The following PIK3R3 variants were observed in gnomAD, a reference collection of about 807,000 sequenced individuals.
PIK3R3 encodes phosphatidylinositol 3-kinase regulatory subunit gamma.
PIK3R3 carries 64 observed loss-of-function variants against 62.9 expected under a neutral mutation model. The observed-to-expected ratio is 1.02, with a 90% CI of 0.83 to 1.25. The LOEUF is 1.25. PIK3R3 is among the 50% of genes most tolerant of loss of function. PIK3R3 has a pLI of 0.00. For missense variants in PIK3R3, 614 were observed against 561.6 expected (o/e 1.09, Z -0.94); for synonymous variants, 165 against 189.0 (o/e 0.87, Z 1.04).
chr1:46,077,655 C>T (rs754284638), intron 2 of PIK3R3, 42 bp from the exon 3 acceptor site: 1 of 1,275,638 alleles, frequency 7.8e-7, no homozygotes, highest in African/African-American at 1.5e-5. Context: ...AATGTCAACA[C>T]TGGTGGCTTC....
At chr1:46,116,939 A>C (rs992881489) in intron 1 of PIK3R3, among the ~76,000 whole-genome samples, 3 of 152,194 alleles carry the variant, frequency 2.0e-5, no homozygotes, top group African/African-American at 7.2e-5. Flanking sequence ...ATATCTATCT[A>C]TACTCAAGCA....
Position 46,066,190 on chromosome 1 carries a change from A to G in PIK3R3, c.496-11T>C. ...TTTTACCAACTGATCCTATACAGGT[A>G]AAGAAAAAAATAAAGAATGTTAACA... On this transcript the variant is annotated splice_polypyrimidine_tract_variant and intron_variant, in intron 4 of 9. Transcript: ENST00000262741. 2 of 1,523,082 alleles carry G rather than the reference A, an allele frequency of 1.3e-6. No homozygotes were observed. The highest frequency in any genetic ancestry group is 2.8e-5 in the African/African-American group (2 of 72,390). 94.3% of individuals were successfully genotyped at this position (1,523,082 alleles called of 1,614,324 possible).
intron 1 of PIK3R3, among the ~76,000 whole-genome samples, chr1:46,086,949 C>T (rs1651112088): frequency 6.6e-6 from 1 of 152,152 alleles, no homozygotes; most frequent in Non-Finnish European, 1.5e-5. Flanking sequence ...ATCAGAAAGG[C>T]TCTGGACTCT....
chr1:46,108,491 C>T (rs1653417303), intron 1 of PIK3R3, among the ~76,000 whole-genome samples: 1 of 152,218 alleles, frequency 6.6e-6, no homozygotes, highest in African/African-American at 2.4e-5. Context: ...ACTGAGATTA[C>T]TATCCTGTTG....
the PIK3R3 span, among the ~76,000 whole-genome samples, chr1:46,172,018 C>T: frequency 2.6e-5 from 4 of 152,252 alleles, no homozygotes; most frequent in East Asian, 7.7e-4. Context: ...CTGCCAAACC[C>T]GATTTTCCAG....
intron 1 of PIK3R3, among the ~76,000 whole-genome samples, chr1:46,105,961 C>CA (rs1653169162): frequency 1.3e-5 from 2 of 152,160 alleles, no homozygotes; most frequent in Non-Finnish European, 2.9e-5. Context: ...TTGAAACCTT[C>CA]AAAAAAATTA....
chr1:46,104,896 C>A, intron 1 of PIK3R3: 1 of 503,566 alleles, frequency 2.0e-6, no homozygotes, highest in Non-Finnish European at 3.5e-6. Flanking sequence ...CCACTGCACT[C>A]CAGCCTGGGT....
chr1:46,116,517 T>G (rs1450616209), intron 1 of PIK3R3, among the ~76,000 whole-genome samples: 1 of 151,662 alleles, frequency 6.6e-6, no homozygotes, highest in Non-Finnish European at 1.5e-5. Flanking sequence ...AAGCCTTATC[T>G]CTTTTTCAAA....
intron 1 of PIK3R3, among the ~76,000 whole-genome samples, chr1:46,109,282 C>G (rs1374403311): frequency 6.6e-6 from 1 of 152,160 alleles, no homozygotes; most frequent in Admixed American, 6.5e-5. Flanking sequence ...TTCTCACCTC[C>G]CAGTTACTCT....
chr1:46,093,138 G>A (rs953367589), intron 1 of PIK3R3, among the ~76,000 whole-genome samples: 1 of 151,992 alleles, frequency 6.6e-6, no homozygotes, highest in Non-Finnish European at 1.5e-5. Flanking sequence ...AACCAAAAAC[G>A]GCAAACATAA....
At chr1:46,162,174 A>C in the PIK3R3 span, among the ~76,000 whole-genome samples, 1 of 151,674 alleles carries the variant, frequency 6.6e-6, no homozygotes, top group East Asian at 1.9e-4. Context: ...TAAGGGTAAG[A>C]GTTTGGTAAA....
chr1:46,132,034 A>T lies in PIK3R3; in HGVS notation c.-82T>A. 1 of 1,547,740 alleles carries T rather than the reference A, an allele frequency of 6.5e-7. No individual in the cohort carries two copies. The highest frequency in any genetic ancestry group is 1.2e-5 in the South Asian group (1 of 83,884). On this transcript the variant is annotated 5_prime_UTR_variant, in exon 1 of 10. Transcript: ENST00000262741. ...GGTATTTAAAAATCTAAAAATATAT[A>T]TCTGCAAAAGTTCCACACGGAAATG... is the stretch of plus-strand genomic sequence containing the variant.
At chr1:46,054,361 A>G (rs1487628732) in intron 7 of PIK3R3, among the ~76,000 whole-genome samples, 1 of 128,902 alleles carries the variant, frequency 7.8e-6, no homozygotes, top group Non-Finnish European at 1.5e-5. Flanking sequence ...GTGCCATTGC[A>G]CTCCAGCCTG....
chr1:46,123,988 A>G (rs1262912282), intron 1 of PIK3R3, among the ~76,000 whole-genome samples: 4 of 152,196 alleles, frequency 2.6e-5, no homozygotes, highest in Non-Finnish European at 2.9e-5. Flanking sequence ...ACTAGAAAAG[A>G]CCCTAGAGAA....
intron 1 of PIK3R3, among the ~76,000 whole-genome samples, chr1:46,102,139 C>T (rs1205895367): frequency 1.3e-5 from 2 of 151,768 alleles, no homozygotes; most frequent in Non-Finnish European, 2.9e-5. Context: ...GCGCCCACCA[C>T]CTCGCCCGGC....
rs1647004702 is a variant in PIK3R3 at position 46,041,934 on chromosome 1, C to T, written c.*1739G>A. 1 of 217,426 alleles carries T rather than the reference C, an allele frequency of 4.6e-6. No individual in the cohort carries two copies. Among genetic ancestry groups the T allele is most frequent in the African/African-American group, 2.2e-5 (1 of 44,450 alleles). The allele number at this position is 217,426 out of a possible 1,614,324, so 13.5% of individuals were successfully genotyped here. A position where few individuals can be genotyped will look rare whatever the true frequency, so the allele number is the denominator to read the frequency against. ...TCATGGTCCATATTTTAGACCCTGTCATGGAAATAAGTGCTCAGGTAAACT... is the reference window on the plus strand; with the variant it reads ...TCATGGTCCATATTTTAGACCCTGTTATGGAAATAAGTGCTCAGGTAAACT... On this transcript the variant is annotated 3_prime_UTR_variant, in exon 10 of 10. Transcript: ENST00000262741.
At position 46,131,981 on chromosome 1, in the gene PIK3R3, A is replaced by T. The variant is rs746290524; in HGVS notation, c.-29T>A. 1 of 1,608,522 alleles carries T rather than the reference A, an allele frequency of 6.2e-7. No homozygotes were observed. The highest frequency in any genetic ancestry group is 2.2e-5 in the East Asian group (1 of 44,844). ...GCTGTCAGGGGCAGGTCGCCAGGAG[A>T]TATATAGAAGGCATATATTTTTTAT... On this transcript the variant is annotated 5_prime_UTR_variant, in exon 1 of 10. It introduces an in-frame stop codon into an upstream open reading frame of the 5' UTR. Coordinates refer to ENST00000262741, the MANE Select transcript of PIK3R3 (RefSeq NM_003629.4).
chr1:46,134,881 C>A (rs887273116), upstream of PIK3R3, among the ~76,000 whole-genome samples: 7 of 152,174 alleles, frequency 4.6e-5, no homozygotes, highest in Non-Finnish European at 8.8e-5. Flanking sequence ...GACGTCCAAG[C>A]ACAGTATATA....
In PIK3R3 at chr1:46,040,883, C is replaced by T. The variant is rs1025652527; in HGVS notation, c.*2790G>A. On this transcript the variant is annotated 3_prime_UTR_variant, in exon 10 of 10. Transcript: ENST00000262741. ...AGGACGCAGGCAGTCTATCCAGGCC[C>T]GAATCATGGCGTGCCATCTAAGGCC... The T allele has an allele frequency of 9.0e-5, 16 of 178,568 alleles. No individual in the cohort carries two copies. The highest frequency in any genetic ancestry group is 5.0e-4 in the Admixed American group (8 of 15,844). 11.1% of individuals were successfully genotyped at this position (178,568 alleles called of 1,614,324 possible). A position where few individuals can be genotyped will look rare whatever the true frequency, so the allele number is the denominator to read the frequency against.
Sources: allele counts gnomAD v4.1 joint callset (sites outside exome capture counted in the v4.1 genomes callset), GRCh38; gene constraint gnomAD v4.1.1; transcripts MANE v1.5; gene names NCBI Gene and HGNC (gene_info 2026-07-23, HGNC 2026-07-21).